The following KSR2 variants were observed in gnomAD, a reference collection of about 807,000 sequenced individuals.
KSR2 encodes the protein kinase suppressor of ras 2.
KSR2 carries 25 observed loss-of-function variants against 107.8 expected under a neutral mutation model. The ratio of observed to expected loss-of-function variants is 0.23; its 90% CI spans 0.17 to 0.32. The LOEUF (loss-of-function observed/expected upper bound fraction) is 0.32. Among genes scored for constraint, KSR2 ranks in the 10% least tolerant of loss-of-function variants. The pLI, the probability that KSR2 is intolerant of heterozygous loss-of-function variation, is 1.00. For synonymous variants in KSR2, 480 were observed against 507.0 expected (o/e 0.95, Z 0.71); for missense variants, 887 against 1,268.9 (o/e 0.70, Z 4.57).
rs191644960 is a variant in KSR2, at chr12:117,545,956, T to G, written c.1519-6069A>C. The stretch of plus-strand genomic sequence containing the variant: ...GTCTTAAATATTTCCCGTACATATA[T>G]ATAGAACCACATCAGAAAGTGTTAC... On this transcript the variant is annotated intron_variant, in intron 9 of 19. Transcript: ENST00000339824. Among the ~76,000 whole-genome samples, 4 of 152,292 alleles carry G rather than the reference T, an allele frequency of 2.6e-5. No individual in the cohort carries two copies. In the East Asian group the frequency reaches 7.7e-4, roughly 29 times the overall value.
intron 8 of KSR2, among the ~76,000 whole-genome samples, chr12:117,558,285 C>T (rs565568823): frequency 1.3e-5 from 2 of 152,018 alleles, no homozygotes; most frequent in Non-Finnish European, 2.9e-5. Context: ...GCTAAAGTGT[C>T]AGAGGGACCA....
intron 3 of KSR2, among the ~76,000 whole-genome samples, chr12:117,808,692 C>T (rs528778544): frequency 6.6e-6 from 1 of 152,284 alleles, no homozygotes; most frequent in South Asian, 2.1e-4. Flanking sequence ...TCAACTCCTA[C>T]ACCCCTCTCC....
chr12:117,529,439 C>G (rs1025462542), intron 12 of KSR2, among the ~76,000 whole-genome samples: 21 of 152,292 alleles, frequency 1.4e-4, no homozygotes, highest in African/African-American at 4.8e-4. Flanking sequence ...TGGTCTCCAA[C>G]TCCTGACCTC....
At chr12:117,779,767 T>C (rs1478298625) in intron 3 of KSR2, among the ~76,000 whole-genome samples, 1 of 152,208 alleles carries the variant, frequency 6.6e-6, no homozygotes, top group East Asian at 1.9e-4. Context: ...TGATTGTAAG[T>C]TTCCTGAGGC....
At chr12:117,735,637 TG>T (rs1248957102) in intron 4 of KSR2, among the ~76,000 whole-genome samples, 15 of 152,274 alleles carry the variant, frequency 9.9e-5, no homozygotes, top group African/African-American at 3.4e-4. Flanking sequence ...TCATTCCGCT[TG>T]TGGTAAAACA....
intron 1 of KSR2, among the ~76,000 whole-genome samples, chr12:117,962,499 C>A (rs1896688232): frequency 6.6e-6 from 1 of 150,860 alleles, no homozygotes; most frequent in African/African-American, 2.4e-5. Flanking sequence ...GGCTGGAGTG[C>A]AATGGTGCCA....
At position 117,562,425 on chromosome 12, in the gene KSR2, C is replaced by T. The variant is rs560033070; in HGVS notation, c.1326-3852G>A. On this transcript the variant is annotated intron_variant, in intron 7 of 19. Transcript: ENST00000339824. The stretch of plus-strand genomic sequence containing the variant: ...ATCTGATGTCAAAGGGGAGTCAGTC[C>T]AAGAAGTTTCTGCACTTGGAATAGC... Among the ~76,000 whole-genome samples, 3 of 152,234 alleles carry T rather than the reference C, an allele frequency of 2.0e-5. No homozygotes were observed. The South Asian group carries it at 6.2e-4, about 32-fold the overall frequency.
chr12:117,616,764 T>C (rs1392628851), intron 5 of KSR2, among the ~76,000 whole-genome samples: 1 of 152,212 alleles, frequency 6.6e-6, no homozygotes, highest in African/African-American at 2.4e-5. Context: ...CAGTGTTCCC[T>C]AACAACCTTC....
At chr12:117,662,963 C>T (rs7299485) in intron 5 of KSR2, among the ~76,000 whole-genome samples, 14,015 of 152,242 alleles carry the variant, frequency 0.092, 922 homozygotes, top group African/African-American at 0.17. Flanking sequence ...CTGGCCCCTA[C>T]GGGGATGGCT....
chr12:117,648,043 A>G (rs1883729010), intron 5 of KSR2, among the ~76,000 whole-genome samples: 1 of 152,166 alleles, frequency 6.6e-6, no homozygotes, highest in Non-Finnish European at 1.5e-5. Context: ...AGTTCCAGTT[A>G]CAAGAATCAG....
chr12:117,649,650 G>A (rs1007112), intron 5 of KSR2, among the ~76,000 whole-genome samples: 12,195 of 152,164 alleles, frequency 0.08, 1,108 homozygotes, highest in African/African-American at 0.22. Flanking sequence ...CCAACTCTCA[G>A]TTGCCTGCCT....
At chr12:117,696,050 T>C (rs912410499) in intron 4 of KSR2, among the ~76,000 whole-genome samples, 1 of 152,216 alleles carries the variant, frequency 6.6e-6, no homozygotes, top group Non-Finnish European at 1.5e-5. Flanking sequence ...ATATCGTTTC[T>C]AGCTGTGTGC....
At chr12:117,701,765 A>G (rs1473345095) in intron 4 of KSR2, among the ~76,000 whole-genome samples, 1 of 152,154 alleles carries the variant, frequency 6.6e-6, no homozygotes, top group African/African-American at 2.4e-5. Flanking sequence ...ACAGAAGCAG[A>G]GATTGGAAGG....
chr12:117,718,338 C>T (rs1363677346), intron 4 of KSR2, among the ~76,000 whole-genome samples: 1 of 152,224 alleles, frequency 6.6e-6, no homozygotes, highest in African/African-American at 2.4e-5. Flanking sequence ...CTGTTGTTCA[C>T]TGTCCATGGA....
intron 4 of KSR2, among the ~76,000 whole-genome samples, chr12:117,753,567 A>G (rs1299325234): frequency 6.6e-6 from 1 of 152,230 alleles, no homozygotes; most frequent in African/African-American, 2.4e-5. Flanking sequence ...CAGGAACAGA[A>G]AACCAAATAC....
At chr12:117,637,682 T>G (rs547705385) in intron 5 of KSR2, among the ~76,000 whole-genome samples, 6 of 130,622 alleles carry the variant, frequency 4.6e-5, no homozygotes, top group Non-Finnish European at 8.1e-5. Flanking sequence ...TGGGTTTTTT[T>G]TTTTTTTTTT....
At chr12:117,701,329 G>A (rs58212560) in intron 4 of KSR2, among the ~76,000 whole-genome samples, 1,842 of 152,218 alleles carry the variant, frequency 0.012, 32 homozygotes, top group African/African-American at 0.041. Context: ...CTGATCTCAG[G>A]TGATCTGCCT....
rs1379260172 is a variant in KSR2, at chr12:117,897,963, A to G, written c.181-37532T>C. Reference sequence around the variant, plus strand: ...TGCACTCATACACGTACACACACACAGTCATATGGTATACTCTATCAGCAA... The same window carrying G: ...TGCACTCATACACGTACACACACACGGTCATATGGTATACTCTATCAGCAA... On this transcript the variant is annotated intron_variant, in intron 1 of 19. Coordinates refer to ENST00000339824, the MANE Select transcript of KSR2 (RefSeq NM_173598.6). The surrounding 1 kb of genome is among the most constrained non-coding windows in gnomAD (Gnocchi z 4.5). 6.6e-6 allele frequency among the ~76,000 whole-genome samples: 1 copy of G among 151,984 alleles called. No homozygotes were observed. Among genetic ancestry groups the G allele is most frequent in the Non-Finnish European group, 1.5e-5 (1 of 68,008 alleles).
At chr12:117,711,582 T>C (rs1416264321) in intron 4 of KSR2, among the ~76,000 whole-genome samples, 1 of 152,188 alleles carries the variant, frequency 6.6e-6, no homozygotes, top group Non-Finnish European at 1.5e-5. Context: ...TTGACAGGCC[T>C]TGCTAATTAC....
Sources: allele counts gnomAD v4.1 joint callset (sites outside exome capture counted in the v4.1 genomes callset), GRCh38; gene constraint gnomAD v4.1.1; non-coding constraint Gnocchi (gnomAD v3.1); transcripts MANE v1.5; gene names NCBI Gene and HGNC (gene_info 2026-07-23, HGNC 2026-07-21).